Variants in PAK5 observed in about 807,000 individuals in gnomAD.
PAK5 encodes the protein serine/threonine-protein kinase PAK 5.
In PAK5, 16 loss-of-function variants were observed where a neutral mutation model predicts 65.9. The observed-to-expected ratio is 0.24, with a 90% CI of 0.16 to 0.37. The LOEUF (loss-of-function observed/expected upper bound fraction) is 0.37. Ranked by LOEUF, PAK5 falls within the 10% of genes least tolerant of loss-of-function variation. PAK5 has a pLI of 1.00. For missense variants in PAK5, 785 were observed against 903.9 expected (o/e 0.87, Z 1.69); for synonymous variants, 371 against 354.9 (o/e 1.05, Z -0.51).
intron 1 of PAK5, among the ~76,000 whole-genome samples, chr20:9,770,390 T>A (rs2048819809): frequency 6.6e-6 from 1 of 151,954 alleles, no homozygotes; most frequent in South Asian, 2.1e-4. Context: ...AGATAAGGTA[T>A]AAAATGGTTA....
At chr20:9,573,584 G>A (rs1305505807) in intron 4 of PAK5, among the ~76,000 whole-genome samples, 1 of 152,154 alleles carries the variant, frequency 6.6e-6, no homozygotes, top group African/African-American at 2.4e-5. Flanking sequence ...TTCTGCAGTA[G>A]AACATAATTT....
intron 2 of PAK5, among the ~76,000 whole-genome samples, chr20:9,680,292 C>T (rs1022637972): frequency 6.6e-6 from 1 of 152,086 alleles, no homozygotes; most frequent in African/African-American, 2.4e-5. Context: ...CAGATGGGGC[C>T]CTGTCTTAGT....
chr20:9,667,367 T>G (rs916052892), intron 2 of PAK5, among the ~76,000 whole-genome samples: 1 of 144,410 alleles, frequency 6.9e-6, no homozygotes, highest in Non-Finnish European at 1.5e-5. Flanking sequence ...CAGTCTGTGT[T>G]CAGGCCCTAA....
intron 6 of PAK5, among the ~76,000 whole-genome samples, chr20:9,558,263 C>G (rs566525293): frequency 1.3e-5 from 2 of 152,142 alleles, no homozygotes; most frequent in African/African-American, 4.8e-5. Context: ...AGGCGCCCAT[C>G]ATTATGCCCG....
intron 2 of PAK5, among the ~76,000 whole-genome samples, chr20:9,689,551 C>T (rs1014396736): frequency 6.6e-6 from 1 of 152,188 alleles, no homozygotes; most frequent in African/African-American, 2.4e-5. Context: ...TTTCCCTGGC[C>T]TTCATGCTTC....
intron 3 of PAK5, among the ~76,000 whole-genome samples, chr20:9,602,093 C>A (rs1393861262): frequency 1.3e-5 from 2 of 151,918 alleles, no homozygotes; most frequent in African/African-American, 4.8e-5. Flanking sequence ...GAGATCGAGA[C>A]CATCCTGGTC....
At chr20:9,558,362 G>A (rs1192186744) in intron 6 of PAK5, among the ~76,000 whole-genome samples, 2 of 151,916 alleles carry the variant, frequency 1.3e-5, no homozygotes, top group Non-Finnish European at 2.9e-5. Context: ...TGATCCACCC[G>A]CCTCAGCCTC....
At chr20:9,708,381 T>TA (rs1173717442) in intron 2 of PAK5, among the ~76,000 whole-genome samples, 1 of 152,042 alleles carries the variant, frequency 6.6e-6, no homozygotes, top group African/African-American at 2.4e-5. Flanking sequence ...GTGGTGATTA[T>TA]ATATATATAA....
chr20:9,675,479 C>T (rs929241347), intron 2 of PAK5, among the ~76,000 whole-genome samples: 1 of 152,000 alleles, frequency 6.6e-6, no homozygotes, highest in Non-Finnish European at 1.5e-5. Flanking sequence ...TAAAACTTAA[C>T]AGGTTAATAA....
chr20:9,593,749 A>G (rs976605103), intron 3 of PAK5, among the ~76,000 whole-genome samples: 2 of 152,306 alleles, frequency 1.3e-5, no homozygotes, highest in African/African-American at 2.4e-5. Flanking sequence ...TAGATAAGCT[A>G]TATACAGAAT....
At chr20:9,589,671 TTTTG>T (rs1471286378) in intron 3 of PAK5, among the ~76,000 whole-genome samples, 3 of 152,216 alleles carry the variant, frequency 2.0e-5, no homozygotes, top group African/African-American at 4.8e-5. Flanking sequence ...ATTTCTGTTT[TTTTG>T]TTTGTTTGTT....
In PAK5 at chr20:9,838,573, C is replaced by T. The variant is rs771420203; in HGVS notation, c.-162+189G>A. Among the ~76,000 whole-genome samples, 1 of 152,162 alleles carries T rather than the reference C, an allele frequency of 6.6e-6. No individual in the cohort carries two copies. The highest frequency in any genetic ancestry group is 1.5e-5 in the Non-Finnish European group (1 of 68,010). ...GAGGGTGGGCGGTCCCCTATCCCTACCCTCCAGGCAGCAGGTCCCTAGCCT... is the reference window on the plus strand; with the variant it reads ...GAGGGTGGGCGGTCCCCTATCCCTATCCTCCAGGCAGCAGGTCCCTAGCCT... On this transcript the variant is annotated intron_variant, in intron 1 of 9. Coordinates refer to ENST00000353224, the MANE Select transcript of PAK5 (RefSeq NM_177990.4). The surrounding 1 kb of genome is among the most constrained non-coding windows in gnomAD (Gnocchi z 4.5).
intron 1 of PAK5, among the ~76,000 whole-genome samples, chr20:9,774,246 C>G (rs1006218081): frequency 6.6e-6 from 1 of 152,202 alleles, no homozygotes; most frequent in Non-Finnish European, 1.5e-5. Context: ...ACAGTCCCAA[C>G]ACTTCTCTTC....
chr20:9,773,908 T>C (rs1191532667), intron 1 of PAK5, among the ~76,000 whole-genome samples: 1 of 152,222 alleles, frequency 6.6e-6, no homozygotes, highest in African/African-American at 2.4e-5. Flanking sequence ...CCTGAGTTCA[T>C]GCTTTGCAGT....
At chr20:9,572,553 A>G (rs1311596776) in intron 4 of PAK5, among the ~76,000 whole-genome samples, 2 of 152,212 alleles carry the variant, frequency 1.3e-5, no homozygotes, top group Non-Finnish European at 2.9e-5. Context: ...ATAAAAGCAG[A>G]CCTATCTTTG....
intron 5 of PAK5, 147 bp from the exon 6 acceptor site, chr20:9,563,171 C>T: frequency 1.4e-6 from 1 of 733,194 alleles, no homozygotes; most frequent in East Asian, 2.6e-5. Context: ...AGACAAAAAG[C>T]ATCAAGGGTA....
intron 2 of PAK5, among the ~76,000 whole-genome samples, chr20:9,674,994 G>A (rs2047549717): frequency 6.6e-6 from 1 of 152,144 alleles, no homozygotes. Flanking sequence ...GCCCAAGGAG[G>A]GGGAACTGGG....
chr20:9,789,460 A>G (rs1023930733), intron 1 of PAK5, among the ~76,000 whole-genome samples: 8 of 151,998 alleles, frequency 5.3e-5, no homozygotes, highest in African/African-American at 1.7e-4. Flanking sequence ...ACTCTCAATT[A>G]TTTCAATGAA....
At chr20:9,555,374 T>C (rs2045490720) in intron 7 of PAK5, among the ~76,000 whole-genome samples, 1 of 152,216 alleles carries the variant, frequency 6.6e-6, no homozygotes, top group Admixed American at 6.5e-5. Context: ...AGGGGAGATC[T>C]TTAAGTAATT....
Sources: gnomAD v4.1 joint callset for allele counts (sites outside exome capture counted in the v4.1 genomes callset) on GRCh38, gnomAD v4.1.1 for gene constraint, Gnocchi (gnomAD v3.1) non-coding constraint, MANE v1.5 for transcripts, NCBI Gene and HGNC (gene_info 2026-07-23, HGNC 2026-07-21) for gene names.